CAMKMT: variants seen among roughly 807,000 people sequenced by gnomAD.
CAMKMT encodes the protein CaM KMT.
CAMKMT carries 53 observed loss-of-function variants against 48.0 expected under a neutral mutation model. The ratio of observed to expected loss-of-function variants is 1.10; its 90% CI spans 0.89 to 1.39. The LOEUF (loss-of-function observed/expected upper bound fraction) is 1.39. Ranked by LOEUF, CAMKMT falls within the 40% of genes most tolerant of loss-of-function variation. The probability of loss-of-function intolerance (pLI) is 0.00; values close to 1 mark genes in which losing one functional copy is unlikely to be tolerated. For missense variants in CAMKMT, 428 were observed against 402.7 expected (o/e 1.06, Z -0.54); for synonymous variants, 165 against 152.3 (o/e 1.08, Z -0.61).
intron 3 of CAMKMT, among the ~76,000 whole-genome samples, chr2:44,684,023 C>T (rs1676193221): frequency 6.6e-6 from 1 of 152,086 alleles, no homozygotes; most frequent in Admixed American, 6.5e-5. Flanking sequence ...GCAGCATAAA[C>T]AAATGAGAAA....
chr2:44,411,866 T>C (rs1209396498), intron 3 of CAMKMT, among the ~76,000 whole-genome samples: 1 of 152,002 alleles, frequency 6.6e-6, no homozygotes, highest in Non-Finnish European at 1.5e-5. Flanking sequence ...TTCAGCTAAA[T>C]CTTTAACCTC....
chr2:44,742,518 A>T (rs1188684212), intron 7 of CAMKMT, among the ~76,000 whole-genome samples: 1 of 152,208 alleles, frequency 6.6e-6, no homozygotes, highest in African/African-American at 2.4e-5. Context: ...TCTATGGCAC[A>T]GCACAGGACC....
chr2:44,488,204 A>G (rs1334259540), intron 3 of CAMKMT, among the ~76,000 whole-genome samples: 1 of 152,150 alleles, frequency 6.6e-6, no homozygotes, highest in Non-Finnish European at 1.5e-5. Flanking sequence ...ATTCAGTAAT[A>G]TTTGAGTGTG....
intron 8 of CAMKMT, among the ~76,000 whole-genome samples, chr2:44,750,350 T>G (rs541317235): frequency 6.6e-6 from 1 of 152,212 alleles, no homozygotes; most frequent in South Asian, 2.1e-4. Context: ...AGAGTTGAGA[T>G]TTCACTATGT....
chr2:44,396,470 C>G (rs1003290424), intron 3 of CAMKMT, among the ~76,000 whole-genome samples: 1 of 151,948 alleles, frequency 6.6e-6, no homozygotes, highest in Non-Finnish European at 1.5e-5. Context: ...AGGTATTTCA[C>G]AAGAGAAATA....
chr2:44,436,572 A>T (rs1666269591), intron 3 of CAMKMT, among the ~76,000 whole-genome samples: 1 of 147,974 alleles, frequency 6.8e-6, no homozygotes, highest in Non-Finnish European at 1.5e-5. Flanking sequence ...CTTATTTTTA[A>T]TTTTTTTTTT....
chr2:44,457,012 A>G (rs542154385), intron 3 of CAMKMT: 36 of 158,008 alleles, frequency 2.3e-4, no homozygotes, highest in African/African-American at 8.4e-4. Flanking sequence ...TCATAAAGAT[A>G]GTTGAATATG....
At chr2:44,506,126 G>A (rs1670249776) in intron 3 of CAMKMT, among the ~76,000 whole-genome samples, 1 of 152,076 alleles carries the variant, frequency 6.6e-6, no homozygotes, top group South Asian at 2.1e-4. Context: ...CAAAGTGCTA[G>A]CATTACAGGC....
chr2:44,667,978 G>T (rs1393322709), intron 3 of CAMKMT, among the ~76,000 whole-genome samples: 1 of 152,070 alleles, frequency 6.6e-6, no homozygotes, highest in Non-Finnish European at 1.5e-5. Context: ...CACTTCAACA[G>T]TCCAGCTCTA....
At chr2:44,495,112 A>C (rs778445428) in intron 3 of CAMKMT, among the ~76,000 whole-genome samples, 2 of 152,214 alleles carry the variant, frequency 1.3e-5, no homozygotes, top group African/African-American at 2.4e-5. Flanking sequence ...TTTTTAAAGA[A>C]ATAAATGCCT....
At chr2:44,541,695 C>G (rs1347133757) in intron 3 of CAMKMT, among the ~76,000 whole-genome samples, 1 of 149,966 alleles carries the variant, frequency 6.7e-6, no homozygotes, top group Non-Finnish European at 1.5e-5. Flanking sequence ...CACTGGGTCC[C>G]AGGAGGTTGA....
At chr2:44,755,435 G>A (rs1454709294) in intron 9 of CAMKMT, among the ~76,000 whole-genome samples, 4 of 152,024 alleles carry the variant, frequency 2.6e-5, no homozygotes, top group Non-Finnish European at 5.9e-5. Context: ...TTTCAGGGGC[G>A]GCTCAAGATT....
intron 3 of CAMKMT, among the ~76,000 whole-genome samples, chr2:44,590,108 A>G (rs1027659361): frequency 3.3e-4 from 50 of 151,302 alleles, no homozygotes; most frequent in African/African-American, 1.1e-3. Flanking sequence ...TTTCCCATCT[A>G]GATGCCTTTT....
intron 3 of CAMKMT, among the ~76,000 whole-genome samples, chr2:44,558,917 C>T (rs1558702195): frequency 6.6e-6 from 1 of 151,666 alleles, no homozygotes; most frequent in South Asian, 2.1e-4. Flanking sequence ...TGAATACATA[C>T]CCCCTGAACC....
chr2:44,751,783 G>A (rs1194180519), intron 8 of CAMKMT, among the ~76,000 whole-genome samples: 2 of 152,164 alleles, frequency 1.3e-5, no homozygotes, highest in East Asian at 3.9e-4. Context: ...GATTTAATTG[G>A]CTTATGGTTC....
At chr2:44,631,474 T>C in intron 3 of CAMKMT, 2 of 601,880 alleles carry the variant, frequency 3.3e-6, no homozygotes, top group Non-Finnish European at 5.9e-6. Context: ...AAACAATTTT[T>C]TATTTTTTTT....
chr2:44,714,155 G>A (rs1032586764), intron 6 of CAMKMT, among the ~76,000 whole-genome samples: 7 of 152,080 alleles, frequency 4.6e-5, no homozygotes, highest in African/African-American at 1.2e-4. Flanking sequence ...GAAAACATAC[G>A]CAACAGGGTC....
rs145397159 is a variant in CAMKMT, at chr2:44,450,029, G to A, written c.376+59724G>A. Reference sequence around the variant, plus strand: ...ACTTGAATGCTTCAACTTGAGATGGGTCAGCTTTAGGGGTGAAGTTGTGAA... The same window carrying A: ...ACTTGAATGCTTCAACTTGAGATGGATCAGCTTTAGGGGTGAAGTTGTGAA... On this transcript the variant is annotated intron_variant, in intron 3 of 10. Coordinates refer to ENST00000378494, the MANE Select transcript of CAMKMT (RefSeq NM_024766.5). Among the ~76,000 whole-genome samples the A allele has an allele frequency of 3.7e-4, 57 of 152,224 alleles. 2 individuals carry two copies. In the East Asian group the frequency reaches 0.011, roughly 28 times the overall value.
At chr2:44,600,162 A>T (rs1202919193) in intron 3 of CAMKMT, among the ~76,000 whole-genome samples, 1 of 152,106 alleles carries the variant, frequency 6.6e-6, no homozygotes, top group Non-Finnish European at 1.5e-5. Flanking sequence ...TTTTTTTCAG[A>T]TTCAGAGTTT....
Sources: gnomAD v4.1 joint callset for allele counts (sites outside exome capture counted in the v4.1 genomes callset) on GRCh38, gnomAD v4.1.1 for gene constraint, MANE v1.5 for transcripts, NCBI Gene and HGNC (gene_info 2026-07-23, HGNC 2026-07-21) for gene names.